SIPA1L2: variants seen among roughly 807,000 people sequenced by gnomAD.
SIPA1L2 encodes signal-induced proliferation-associated 1-like protein 2.
SIPA1L2 carries 56 observed loss-of-function variants against 163.9 expected under a neutral mutation model. That is an observed-to-expected ratio of 0.34 (90% confidence interval 0.28 to 0.43). The LOEUF (loss-of-function observed/expected upper bound fraction) is 0.43, where lower values mean the gene tolerates loss of function less well. Among genes scored for constraint, SIPA1L2 ranks in the 20% least tolerant of loss-of-function variants. SIPA1L2 has a pLI of 1.00. For synonymous variants in SIPA1L2, 877 were observed against 865.7 expected (o/e 1.01, Z -0.23); for missense variants, 1,974 against 2,193.5 (o/e 0.90, Z 2.00).
At chr1:232,534,419 C>T (rs535566818) in intron 2 of SIPA1L2, among the ~76,000 whole-genome samples, 1 of 152,314 alleles carries the variant, frequency 6.6e-6, no homozygotes, top group East Asian at 1.9e-4. Flanking sequence ...AGCATAATTA[C>T]TAAAACTATA....
At chr1:232,526,489 C>G (rs1347476479) in intron 2 of SIPA1L2, among the ~76,000 whole-genome samples, 1 of 152,224 alleles carries the variant, frequency 6.6e-6, no homozygotes, top group East Asian at 1.9e-4. Flanking sequence ...GTATGTGAAG[C>G]TCACAGTAGG....
rs111425428 is a variant in SIPA1L2, at chr1:232,416,397, T to G, written c.4631-772A>C. ...GTAAGGGCAGGGATGGCAGGAAGAT[T>G]AGAATCAAGCCTCTGTACACTATTG... On this transcript the variant is annotated intron_variant, in intron 18 of 22. Transcript: ENST00000674635. Among the ~76,000 whole-genome samples the G allele has an allele frequency of 3.1e-3, 471 of 152,322 alleles. 9 individuals are homozygous for G. The highest frequency in any genetic ancestry group is 0.011 in the African/African-American group (453 of 41,580).
At chr1:232,448,653 G>A (rs1481537280) in intron 10 of SIPA1L2, among the ~76,000 whole-genome samples, 2 of 152,212 alleles carry the variant, frequency 1.3e-5, no homozygotes, top group Non-Finnish European at 2.9e-5. Context: ...AAGGTGTGCT[G>A]AGGGAAAAAT....
At chr1:232,520,814 G>A (rs1180153826) in intron 2 of SIPA1L2, among the ~76,000 whole-genome samples, 2 of 152,124 alleles carry the variant, frequency 1.3e-5, no homozygotes, top group Non-Finnish European at 2.9e-5. Flanking sequence ...GACAATCAAT[G>A]AGCTGAGGTG....
At chr1:232,557,852 A>C (rs879355249) in intron 2 of SIPA1L2, among the ~76,000 whole-genome samples, 4 of 152,260 alleles carry the variant, frequency 2.6e-5, no homozygotes, top group Non-Finnish European at 5.9e-5. Flanking sequence ...GCATGTGCTG[A>C]GAAGTGTCAA....
Position 232,403,585 on chromosome 1 carries a change from A to G in SIPA1L2, c.4817-14T>C. The G allele has an allele frequency of 1.9e-6, 3 of 1,606,284 alleles. No individual in the cohort carries two copies. The highest frequency in any genetic ancestry group is 2.5e-6 in the Non-Finnish European group (3 of 1,176,514). On this transcript the variant is annotated splice_polypyrimidine_tract_variant and intron_variant, in intron 20 of 22. Coordinates refer to ENST00000674635, the MANE Select transcript of SIPA1L2 (RefSeq NM_020808.5). ...CCACCCTCTGGTCTGGGGAGGGGAGAAACACACACAGAAAGAAGGGTTAGT... is the reference window on the plus strand; with the variant it reads ...CCACCCTCTGGTCTGGGGAGGGGAGGAACACACACAGAAAGAAGGGTTAGT...
At chr1:232,544,523 G>A (rs1259365982) in intron 2 of SIPA1L2, among the ~76,000 whole-genome samples, 1 of 151,254 alleles carries the variant, frequency 6.6e-6, no homozygotes, top group Non-Finnish European at 1.5e-5. Flanking sequence ...TTACGCCACT[G>A]CACTCCAGCC....
rs186388031 is a variant in SIPA1L2, at chr1:232,527,326, C to A, written c.-269-11718G>T. On this transcript the variant is annotated intron_variant, in intron 2 of 22. Coordinates refer to ENST00000674635, the MANE Select transcript of SIPA1L2 (RefSeq NM_020808.5). ...TGGATTCTTCAGAAAACAAAGTTTC[C>A]TGGAAACTCAAATCCAGGAGTAATG... is the stretch of plus-strand genomic sequence containing the variant. 1.3e-4 allele frequency among the ~76,000 whole-genome samples: 20 copies of A among 152,300 alleles called. No homozygotes were observed. The East Asian group carries it at 3.9e-3, about 29-fold the overall frequency.
intron 10 of SIPA1L2, among the ~76,000 whole-genome samples, chr1:232,448,201 G>C (rs113791731): frequency 2.6e-5 from 4 of 152,190 alleles, no homozygotes; most frequent in Admixed American, 2.6e-4. Context: ...CAACTGCACA[G>C]TGCAAGGCGT....
intron 2 of SIPA1L2, among the ~76,000 whole-genome samples, chr1:232,531,417 A>T (rs1656928898): frequency 6.6e-6 from 1 of 152,256 alleles, no homozygotes. Context: ...ATGCTGGCTT[A>T]GCCATGTACT....
Position 232,515,023 on chromosome 1 carries a change from C to G in SIPA1L2, c.317G>C (p.Ser106Thr). The G allele has an allele frequency of 1.9e-6, 3 of 1,614,184 alleles. 1 individual carries two copies. In the South Asian group the frequency reaches 3.3e-5, roughly 18 times the overall value. ...CAGGACAGAAGTGATGCTTTCATAA[C>G]TGGTCTGAGACCGGCTTTCCCACAG... ...KALWESRSQT[S>T]YESITSVLQN... Residue 106 changes from serine (S) to threonine (T), a missense_variant, in exon 3 of 23, where the codon AGT becomes ACT. By Grantham distance (58) the Ser-to-Thr change is moderately conservative. This residue lies in a region of SIPA1L2 where 607 missense variants were observed against 624.0 expected (regional missense o/e 0.97). Coordinates refer to ENST00000674635, the MANE Select transcript of SIPA1L2 (RefSeq NM_020808.5).
intron 2 of SIPA1L2, among the ~76,000 whole-genome samples, chr1:232,529,712 C>T (rs570293408): frequency 7.9e-5 from 12 of 152,176 alleles, no homozygotes; most frequent in Non-Finnish European, 7.3e-5. Flanking sequence ...AAGGATATCA[C>T]GATAGGGTGG....
chr1:232,414,737 G>A (rs1231094026), intron 19 of SIPA1L2, among the ~76,000 whole-genome samples: 1 of 152,176 alleles, frequency 6.6e-6, no homozygotes, highest in East Asian at 1.9e-4. Flanking sequence ...ACTCACTGAA[G>A]AATGCAGCGG....
intron 2 of SIPA1L2, among the ~76,000 whole-genome samples, chr1:232,525,401 ATTTTTTTTT>A (rs59155660): frequency 0.015 from 1,864 of 127,676 alleles, 47 homozygotes; most frequent in African/African-American, 0.056. Flanking sequence ...AAGCCTGGCT[ATTTTTTTTT>A]TTTTTTTTTT....
chr1:232,490,479 C>T (rs1173789890), intron 5 of SIPA1L2, among the ~76,000 whole-genome samples: 1 of 152,324 alleles, frequency 6.6e-6, no homozygotes, highest in East Asian at 1.9e-4. Flanking sequence ...CTAACGCTTG[C>T]TGTTCACACC....
At chr1:232,443,317 T>C (rs1663014860) in intron 12 of SIPA1L2, among the ~76,000 whole-genome samples, 1 of 152,180 alleles carries the variant, frequency 6.6e-6, no homozygotes, top group Admixed American at 6.5e-5. Flanking sequence ...TCATCAGCAA[T>C]TTAAGTCAGG....
intron 2 of SIPA1L2, among the ~76,000 whole-genome samples, chr1:232,536,527 C>A (rs950527077): frequency 1.3e-5 from 2 of 152,108 alleles, no homozygotes; most frequent in Non-Finnish European, 2.9e-5. Context: ...GATGCAAAGC[C>A]CAGGGACTGA....
At chr1:232,441,195 C>A in intron 14 of SIPA1L2, 96 bp downstream of exon 14, 2 of 892,790 alleles carry the variant, frequency 2.2e-6, no homozygotes, top group Non-Finnish European at 3.3e-6. Flanking sequence ...AGGTAATGTG[C>A]TCTTGAGCAT....
chr1:232,561,327 C>T (rs1221704388), intron 2 of SIPA1L2: 1 of 152,192 alleles, frequency 6.6e-6, no homozygotes, highest in Admixed American at 6.5e-5. Context: ...TGGGTTTGCA[C>T]ATATGTACCT....
Sources: gnomAD v4.1 joint callset for allele counts (sites outside exome capture counted in the v4.1 genomes callset) on GRCh38, gnomAD v4.1.1 for gene constraint, gnomAD v4.1.1 regional missense constraint, MANE v1.5 for transcripts, NCBI Gene and HGNC (gene_info 2026-07-23, HGNC 2026-07-21) for gene names.